PCDH7: variants seen among roughly 807,000 people sequenced by gnomAD.
PCDH7 encodes protocadherin-7.
Under a neutral mutation model 58.9 loss-of-function variants are expected in PCDH7, and 17 were observed. That is an observed-to-expected ratio of 0.29 (90% confidence interval 0.20 to 0.43). The LOEUF (loss-of-function observed/expected upper bound fraction) is 0.43, where lower values mean the gene tolerates loss of function less well. Ranked by LOEUF, PCDH7 falls within the 20% of genes least tolerant of loss-of-function variation. The probability of loss-of-function intolerance (pLI) is 1.00; values close to 1 mark genes in which losing one functional copy is unlikely to be tolerated. For missense variants in PCDH7, 1,274 were observed against 1,441.0 expected (o/e 0.88, Z 1.88); for synonymous variants, 664 against 616.4 (o/e 1.08, Z -1.14).
chr4:31,107,155 AG>A (rs1282601344), intron 3 of PCDH7, among the ~76,000 whole-genome samples: 4 of 152,182 alleles, frequency 2.6e-5, no homozygotes, highest in African/African-American at 9.7e-5. Flanking sequence ...CACTCAAAGC[AG>A]GGTATATATC....
At chr4:30,772,480 G>A (rs149525837) in intron 1 of PCDH7, among the ~76,000 whole-genome samples, 2 of 152,078 alleles carry the variant, frequency 1.3e-5, no homozygotes, top group South Asian at 2.1e-4. Context: ...TCCTGAATTA[G>A]CCTGTTATAT....
chr4:30,988,077 G>T (rs900899158), intron 3 of PCDH7, among the ~76,000 whole-genome samples: 1 of 152,128 alleles, frequency 6.6e-6, no homozygotes, highest in African/African-American at 2.4e-5. Context: ...ACACAGACAT[G>T]AGTTGCATAA....
At chr4:31,118,721 G>T (rs888695866) in intron 3 of PCDH7, among the ~76,000 whole-genome samples, 1 of 152,120 alleles carries the variant, frequency 6.6e-6, no homozygotes, top group African/African-American at 2.4e-5. Flanking sequence ...CTAACCAATA[G>T]TGATACTTAT....
Position 30,724,589 on chromosome 4 carries a change from G to A in PCDH7, c.3167G>A (p.Ser1056Asn). The change falls in exon 1 of 2, where the codon AGC (serine) becomes AAC (asparagine). Residue 1056 changes from serine to asparagine, a missense_variant. Ser to Asn is a conservative substitution (Grantham distance 46). Transcript: ENST00000361762. ...AGCTGTCAAACCAATAACAAGTACA[G>A]CAAACAGGTAAGATGTATCCCAAAT... 1 of 1,613,976 alleles carries A rather than the reference G, an allele frequency of 6.2e-7. No individual in the cohort carries two copies. The highest frequency in any genetic ancestry group is 8.5e-7 in the Non-Finnish European group (1 of 1,179,990).
chr4:31,071,254 C>T (rs1758521055), intron 3 of PCDH7, among the ~76,000 whole-genome samples: 1 of 151,986 alleles, frequency 6.6e-6, no homozygotes, highest in Admixed American at 6.6e-5. Context: ...CTGTTATTCT[C>T]CCAAAACCCA....
intron 3 of PCDH7, among the ~76,000 whole-genome samples, chr4:30,952,315 A>T (rs1747438454): frequency 1.3e-5 from 2 of 152,084 alleles, no homozygotes; most frequent in South Asian, 4.1e-4. Context: ...AAATTTTTTT[A>T]AAGATTTGAG....
chr4:31,010,286 G>A (rs1199533769), intron 3 of PCDH7, among the ~76,000 whole-genome samples: 1 of 151,834 alleles, frequency 6.6e-6, no homozygotes, highest in Admixed American at 6.6e-5. Flanking sequence ...AAAATCAAAG[G>A]TTTAAATATG....
rs977841535 is a variant in PCDH7, at chr4:30,971,659, G to A, written c.*7+21444G>A. 5.3e-5 allele frequency among the ~76,000 whole-genome samples: 8 copies of A among 152,320 alleles called. No individual in the cohort carries two copies. In the South Asian group the frequency reaches 1.7e-3, roughly 32 times the overall value. On this transcript the variant is annotated intron_variant, in intron 3 of 3. Transcript: ENST00000509759. ...ACACTTTGACAAGGATGCACAGTAA[G>A]TGATACATTGTAGGTAAATTGTCTA...
At chr4:30,989,567 A>G (rs889128050) in intron 3 of PCDH7, among the ~76,000 whole-genome samples, 1 of 152,184 alleles carries the variant, frequency 6.6e-6, no homozygotes, top group Non-Finnish European at 1.5e-5. Flanking sequence ...AACTGCAGGT[A>G]CTAAAAGAAT....
intron 3 of PCDH7, among the ~76,000 whole-genome samples, chr4:31,096,076 T>C (rs1713936163): frequency 6.6e-6 from 1 of 152,182 alleles, no homozygotes; most frequent in Admixed American, 6.5e-5. Flanking sequence ...TACAATAACC[T>C]AATTTCACTG....
At chr4:31,084,071 A>C (rs1335975938) in intron 3 of PCDH7, among the ~76,000 whole-genome samples, 1 of 151,980 alleles carries the variant, frequency 6.6e-6, no homozygotes, top group African/African-American at 2.4e-5. Flanking sequence ...TTATTCAGTA[A>C]TTAAACTTAT....
chr4:30,757,871 T>C (rs1421278215), intron 1 of PCDH7, among the ~76,000 whole-genome samples: 1 of 152,162 alleles, frequency 6.6e-6, no homozygotes, highest in Non-Finnish European at 1.5e-5. Context: ...ATCAGATTAG[T>C]GACTGAAAGC....
chr4:30,790,782 G>A (rs1317421769), intron 1 of PCDH7, among the ~76,000 whole-genome samples: 1 of 151,960 alleles, frequency 6.6e-6, no homozygotes, highest in African/African-American at 2.4e-5. Flanking sequence ...AAATTAGCCG[G>A]GTGTGGTGGC....
At chr4:31,118,028 T>G (rs1307372976) in intron 3 of PCDH7, among the ~76,000 whole-genome samples, 1 of 152,216 alleles carries the variant, frequency 6.6e-6, no homozygotes, top group Non-Finnish European at 1.5e-5. Flanking sequence ...CTATACGTAT[T>G]CCCTTTCCTA....
At position 30,721,770 on chromosome 4, in the gene PCDH7, G is replaced by C; in HGVS notation, c.348G>C (p.Val116=). Residue 116 remains valine (V), a synonymous_variant, in exon 1 of 2, where the codon GTG becomes GTC. Transcript: ENST00000361762. The surrounding 1 kb of genome is among the most constrained non-coding windows in gnomAD (Gnocchi z 6.7). The stretch of plus-strand genomic sequence containing the variant: ...GCTTCCTGGACTTCGAGGTGTCGGT[G>C]ATCGGGCCCTCGCAGAGCTGGGTGG... 6.2e-7 allele frequency: 1 copy of C among 1,613,800 alleles called. No homozygotes were observed.
chr4:31,002,673 A>G (rs1161736629), intron 3 of PCDH7, among the ~76,000 whole-genome samples: 1 of 152,216 alleles, frequency 6.6e-6, no homozygotes, highest in Non-Finnish European at 1.5e-5. Flanking sequence ...ATTAATGCAA[A>G]TTTTACTGTA....
At chr4:30,970,811 A>G (rs1313081955) in intron 3 of PCDH7, among the ~76,000 whole-genome samples, 2 of 152,218 alleles carry the variant, frequency 1.3e-5, no homozygotes, top group African/African-American at 2.4e-5. Context: ...AAAATGTATC[A>G]TTGTAGTGCA....
chr4:30,862,418 C>G (rs1205009948), intron 1 of PCDH7, among the ~76,000 whole-genome samples: 2 of 152,134 alleles, frequency 1.3e-5, no homozygotes, highest in Non-Finnish European at 2.9e-5. Flanking sequence ...TGTAGAACAT[C>G]ATGCTGAGAA....
At position 30,828,008 on chromosome 4, in the gene PCDH7, C is replaced by A. The variant is rs189921521; in HGVS notation, c.71-92145C>A. Among the ~76,000 whole-genome samples the A allele has an allele frequency of 3.5e-4, 54 of 152,216 alleles. 1 individual carries two copies. The highest frequency in any genetic ancestry group is 1.2e-3 in the African/African-American group (50 of 41,552). On this transcript the variant is annotated intron_variant, in intron 1 of 3. Transcript: ENST00000509759. ...GGAGGTCCTTAATCTACCTCTACTTCTGTTGCCTCATCTATAAAATGAGGA... is the reference window on the plus strand; with the variant it reads ...GGAGGTCCTTAATCTACCTCTACTTATGTTGCCTCATCTATAAAATGAGGA...
Sources: allele counts gnomAD v4.1 joint callset (sites outside exome capture counted in the v4.1 genomes callset), GRCh38; gene constraint gnomAD v4.1.1; non-coding constraint Gnocchi (gnomAD v3.1); transcripts MANE v1.5; gene names NCBI Gene and HGNC (gene_info 2026-07-23, HGNC 2026-07-21).